Variants in PCDH15 observed in about 807,000 individuals in gnomAD.
PCDH15 encodes protocadherin-15.
PCDH15 carries 129 observed loss-of-function variants against 178.5 expected under a neutral mutation model. That is an observed-to-expected ratio of 0.72 (90% confidence interval 0.63 to 0.84). The LOEUF (loss-of-function observed/expected upper bound fraction) is 0.84, where lower values mean the gene tolerates loss of function less well. Ranked by LOEUF, PCDH15 falls within the 40% of genes least tolerant of loss-of-function variation. PCDH15 has a pLI of 0.00. For missense variants in PCDH15, 2,230 were observed against 2,099.9 expected, an observed-to-expected ratio of 1.06 and a Z score of -1.21; for synonymous variants, 800 against 732.0, an observed-to-expected ratio of 1.09 and a Z score of -1.50.
Position 54,329,630 on chromosome 10 carries a change from T to C in PCDH15, c.671A>G (p.Asp224Gly), listed in dbSNP as rs1288376972. 3 of 1,607,230 alleles carry C rather than the reference T, an allele frequency of 1.9e-6. No homozygotes were observed. Among genetic ancestry groups the C allele is most frequent in the Non-Finnish European group, 2.6e-6 (3 of 1,174,096 alleles). ...IVLRKRLNYE[D>G]KTRYFVIIQA... ...GATTATGACAAAGTAGCGAGTCTTA[T>C]CTTCATAGTTGAGCCTCTTCCTTAA... Residue 224 changes from aspartate to glycine, a missense_variant, in exon 7 of 38, where the codon GAT (aspartate) becomes GGT (glycine). Coordinates refer to ENST00000644397, the MANE Select transcript of PCDH15 (RefSeq NM_001384140.1).
chr10:54,526,921 C>T (rs923112825), intron 3 of PCDH15, among the ~76,000 whole-genome samples: 1 of 148,832 alleles, frequency 6.7e-6, no homozygotes, highest in Non-Finnish European at 1.5e-5. Flanking sequence ...GATTGAGTTA[C>T]AAGAAAAAGG....
At chr10:54,960,060 A>T (rs979697639) in intron 2 of PCDH15, among the ~76,000 whole-genome samples, 2 of 152,080 alleles carry the variant, frequency 1.3e-5, no homozygotes, top group African/African-American at 4.8e-5. Context: ...CAGTCTTATG[A>T]CCTTTATTCT....
intron 1 of PCDH15, among the ~76,000 whole-genome samples, chr10:54,694,933 C>A (rs1196278774): frequency 6.6e-6 from 1 of 151,976 alleles, no homozygotes. Context: ...AAAAGCTAGG[C>A]CTCAAGCACC....
At chr10:53,808,988 G>A in intron 37 of PCDH15, 1 of 1,564,316 alleles carries the variant, frequency 6.4e-7, no homozygotes, top group South Asian at 1.2e-5. Context: ...TCCATCTTAG[G>A]TTCTTTTTGT....
intron 4 of PCDH15, among the ~76,000 whole-genome samples, chr10:54,369,952 T>C (rs1185756563): frequency 6.6e-6 from 1 of 152,062 alleles, no homozygotes; most frequent in Non-Finnish European, 1.5e-5. Flanking sequence ...TACTTCATTG[T>C]AAGCCTATAG....
intron 8 of PCDH15, among the ~76,000 whole-genome samples, chr10:54,315,016 A>G (rs1011152030): frequency 2.6e-5 from 4 of 152,114 alleles, no homozygotes; most frequent in African/African-American, 9.7e-5. Flanking sequence ...ATGTGTCTTT[A>G]TGGCAGAATG....
Position 54,111,617 on chromosome 10 carries a change from G to C in PCDH15, c.1917+21258C>G, listed in dbSNP as rs138058487. Among the ~76,000 whole-genome samples, 27 of 152,250 alleles carry C rather than the reference G, an allele frequency of 1.8e-4. No individual in the cohort carries two copies. In the East Asian group the frequency reaches 4.6e-3, roughly 26 times the overall value. ...AGTAGGTCTCTACCATTTCCATAAA[G>C]ATAGACTAACAGAGAACATGCAGTA... On this transcript the variant is annotated intron_variant, in intron 15 of 37. Coordinates refer to ENST00000644397, the MANE Select transcript of PCDH15 (RefSeq NM_001384140.1).
intron 3 of PCDH15, among the ~76,000 whole-genome samples, chr10:54,822,589 A>G (rs1309906346): frequency 6.6e-6 from 1 of 152,162 alleles, no homozygotes; most frequent in Non-Finnish European, 1.5e-5. Flanking sequence ...TAGTGCTGTA[A>G]TAAGCATAGG....
chr10:54,920,605 C>A (rs1837462792), intron 2 of PCDH15, among the ~76,000 whole-genome samples: 1 of 151,586 alleles, frequency 6.6e-6, no homozygotes, highest in Admixed American at 6.6e-5. Context: ...AGTAATTATT[C>A]CCTGAATACT....
intron 2 of PCDH15, among the ~76,000 whole-genome samples, chr10:54,922,984 G>A (rs867671707): frequency 3.3e-5 from 5 of 152,168 alleles, no homozygotes; most frequent in African/African-American, 1.2e-4. Flanking sequence ...CCTAGTAGAG[G>A]TTCCATGAGG....
chr10:55,428,125 T>C (rs1838799780), intron 2 of PCDH15, among the ~76,000 whole-genome samples: 1 of 152,046 alleles, frequency 6.6e-6, no homozygotes, highest in Admixed American at 6.5e-5. Flanking sequence ...CTTTGAGTCC[T>C]GTAGAATGAA....
chr10:54,664,301 A>T lies in PCDH15; in HGVS notation c.-28-11T>A. 6.7e-7 allele frequency: 1 copy of T among 1,497,870 alleles called. No individual in the cohort carries two copies. The highest frequency in any genetic ancestry group is 9.2e-7 in the Non-Finnish European group (1 of 1,081,406). 92.8% of individuals were successfully genotyped at this position (1,497,870 alleles called of 1,614,324 possible). A position where few individuals can be genotyped will look rare whatever the true frequency, so the allele number is the denominator to read the frequency against. On this transcript the variant is annotated splice_polypyrimidine_tract_variant and intron_variant, in intron 1 of 37. Transcript: ENST00000644397. Reference sequence around the variant, plus strand: ...TCACTCAAAGCTGATCTGAAATAAGAAAAGGTAGAAAGAAACATTTGACAT... The same window carrying T: ...TCACTCAAAGCTGATCTGAAATAAGTAAAGGTAGAAAGAAACATTTGACAT...
At chr10:53,899,149 G>C (rs968964612) in intron 26 of PCDH15, among the ~76,000 whole-genome samples, 1 of 149,370 alleles carries the variant, frequency 6.7e-6, no homozygotes, top group Non-Finnish European at 1.5e-5. Flanking sequence ...TTTCGGGGGG[G>C]GGTGGTCTAG....
At chr10:54,089,641 C>A (rs1212651386) in intron 16 of PCDH15, among the ~76,000 whole-genome samples, 2 of 152,090 alleles carry the variant, frequency 1.3e-5, no homozygotes, top group Non-Finnish European at 1.5e-5. Flanking sequence ...TACAAGCCTC[C>A]CTTTGAATAC....
intron 2 of PCDH15, among the ~76,000 whole-genome samples, chr10:55,440,417 T>G (rs916078292): frequency 6.6e-6 from 1 of 152,168 alleles, no homozygotes; most frequent in Non-Finnish European, 1.5e-5. Context: ...AGGTAGTTAT[T>G]GTGGATTTTT....
At chr10:53,997,756 A>T (rs908239368) in intron 20 of PCDH15, among the ~76,000 whole-genome samples, 1 of 152,202 alleles carries the variant, frequency 6.6e-6, no homozygotes, top group Non-Finnish European at 1.5e-5. Context: ...GATTAGACAC[A>T]CACCTAAGAC....
chr10:55,226,086 C>T (rs116955930), intron 1 of PCDH15, among the ~76,000 whole-genome samples: 8,846 of 152,084 alleles, frequency 0.058, 340 homozygotes, highest in Non-Finnish European at 0.09. Flanking sequence ...CTACTCTTAT[C>T]AAATCAAACT....
At chr10:54,011,091 T>C (rs11597249) in intron 20 of PCDH15, among the ~76,000 whole-genome samples, 27,342 of 152,116 alleles carry the variant, frequency 0.18, 3,030 homozygotes, top group Non-Finnish European at 0.25. Flanking sequence ...TTTACCCAGC[T>C]CAGGCCAGCA....
intron 24 of PCDH15, among the ~76,000 whole-genome samples, chr10:53,939,165 G>T (rs2085836667): frequency 6.6e-6 from 1 of 152,088 alleles, no homozygotes; most frequent in Admixed American, 6.5e-5. Context: ...CCTTGAAATT[G>T]TAGGGTTTTT....
Sources: gnomAD v4.1 joint callset for allele counts (sites outside exome capture counted in the v4.1 genomes callset) on GRCh38, gnomAD v4.1.1 for gene constraint, MANE v1.5 for transcripts, NCBI Gene and HGNC (gene_info 2026-07-23, HGNC 2026-07-21) for gene names.